Variants in ROBO2 observed in about 807,000 individuals in gnomAD.
ROBO2 encodes the protein roundabout homolog 2.
Under a neutral mutation model 160.8 loss-of-function variants are expected in ROBO2, and 53 were observed. The ratio of observed to expected loss-of-function variants is 0.33; its 90% CI spans 0.26 to 0.41. The LOEUF (loss-of-function observed/expected upper bound fraction) is 0.41. Among genes scored for constraint, ROBO2 ranks in the 10% least tolerant of loss-of-function variants. The pLI, the probability that ROBO2 is intolerant of heterozygous loss-of-function variation, is 1.00. For synonymous variants in ROBO2, 664 were observed against 611.7 expected, an observed-to-expected ratio of 1.09 and a Z score of -1.26; for missense variants, 1,577 against 1,722.4, an observed-to-expected ratio of 0.92 and a Z score of 1.49.
chr3:76,627,699 C>T (rs1639084385), intron 2 of ROBO2, among the ~76,000 whole-genome samples: 1 of 151,984 alleles, frequency 6.6e-6, no homozygotes, highest in African/African-American at 2.4e-5. Context: ...GCAATGAACA[C>T]TGAGAGGATG....
At chr3:77,458,117 A>G (rs1249705018) in intron 2 of ROBO2, among the ~76,000 whole-genome samples, 1 of 152,152 alleles carries the variant, frequency 6.6e-6, no homozygotes. Flanking sequence ...TTCACAGATG[A>G]AGAAACAAAA....
rs78613456 is a variant in ROBO2 at position 76,035,980 on chromosome 3, A to G, written c.109+98378A>G. Among the ~76,000 whole-genome samples the G allele has an allele frequency of 4.3e-3, 657 of 152,110 alleles. 18 individuals carry two copies. Among genetic ancestry groups the G allele is most frequent in the African/African-American group, 0.015 (624 of 41,360 alleles). ...CAGCTTTCGAAGAATTACTTCCTTCAAAGTTATTTTCCTCTTTTTTTTAAC... is the reference window on the plus strand; with the variant it reads ...CAGCTTTCGAAGAATTACTTCCTTCGAAGTTATTTTCCTCTTTTTTTTAAC... On this transcript the variant is annotated intron_variant, in intron 2 of 26. Transcript: ENST00000487694.
chr3:77,521,806 G>A (rs2090627536), intron 5 of ROBO2, among the ~76,000 whole-genome samples: 1 of 151,216 alleles, frequency 6.6e-6, no homozygotes, highest in African/African-American at 2.4e-5. Flanking sequence ...AGTTTTAAAT[G>A]CAAGCCTAAA....
chr3:76,110,747 TA>T (rs2070190973), intron 2 of ROBO2, among the ~76,000 whole-genome samples: 2 of 151,906 alleles, frequency 1.3e-5, no homozygotes, highest in African/African-American at 2.4e-5. Flanking sequence ...TTAAGACAAC[TA>T]AAAAAAGTAT....
At chr3:77,063,563 G>A (rs570284492) in intron 1 of ROBO2, among the ~76,000 whole-genome samples, 16 of 152,190 alleles carry the variant, frequency 1.1e-4, no homozygotes, top group African/African-American at 3.6e-4. Context: ...CCTTTCTCCT[G>A]GATTATAACT....
intron 2 of ROBO2, among the ~76,000 whole-genome samples, chr3:76,520,276 C>A (rs1317433467): frequency 6.6e-6 from 1 of 152,064 alleles, no homozygotes; most frequent in Non-Finnish European, 1.5e-5. Flanking sequence ...CATGGTGAAA[C>A]CCCGTCTCTA....
intron 2 of ROBO2, among the ~76,000 whole-genome samples, chr3:76,024,565 G>T (rs530520885): frequency 6.6e-6 from 1 of 151,240 alleles, no homozygotes; most frequent in Non-Finnish European, 1.5e-5. Context: ...TTATAACCAC[G>T]CATTTTCAAC....
chr3:76,191,724 AT>A (rs1358457334), intron 2 of ROBO2, among the ~76,000 whole-genome samples: 1 of 151,970 alleles, frequency 6.6e-6, no homozygotes, highest in African/African-American at 2.4e-5. Flanking sequence ...ATTAGAATTG[AT>A]TTTTTTTAAA....
intron 2 of ROBO2, among the ~76,000 whole-genome samples, chr3:76,112,082 C>T (rs931954413): frequency 1.3e-5 from 2 of 152,134 alleles, no homozygotes; most frequent in African/African-American, 4.8e-5. Flanking sequence ...CCCCTTCTAT[C>T]CAACCGTAAC....
At chr3:77,292,176 ACGC>A (rs2061372874) in intron 2 of ROBO2, among the ~76,000 whole-genome samples, 1 of 151,498 alleles carries the variant, frequency 6.6e-6, no homozygotes, top group Non-Finnish European at 1.5e-5. Flanking sequence ...AGGCTAGATC[ACGC>A]CAGACATAAA....
chr3:76,275,750 T>C (rs986149835), intron 2 of ROBO2, among the ~76,000 whole-genome samples: 114 of 152,280 alleles, frequency 7.5e-4, no homozygotes, highest in African/African-American at 2.7e-3. Context: ...AGAATGAAGT[T>C]TAACATTTTC....
intron 2 of ROBO2, among the ~76,000 whole-genome samples, chr3:76,120,152 C>G (rs1017440704): frequency 6.6e-6 from 1 of 151,898 alleles, no homozygotes; most frequent in Non-Finnish European, 1.5e-5. Context: ...CAGGCATGCA[C>G]CACCATGACT....
intron 2 of ROBO2, among the ~76,000 whole-genome samples, chr3:76,735,786 A>AAAAAAAAAAAAAAAAAGGGG: frequency 7.9e-6 from 1 of 126,600 alleles, no homozygotes; most frequent in Non-Finnish European, 1.6e-5. Flanking sequence ...GAAAAAAAAA[A>AAAAAAAAAAAAAAAAAGGGG]GGGGAAAGGG....
chr3:77,169,983 T>C (rs532265612), intron 2 of ROBO2, among the ~76,000 whole-genome samples: 2 of 152,234 alleles, frequency 1.3e-5, no homozygotes, highest in African/African-American at 4.8e-5. Context: ...GGTCCATAAA[T>C]AGAGCATCAC....
intron 2 of ROBO2, among the ~76,000 whole-genome samples, chr3:76,754,058 G>A (rs1373204044): frequency 2.0e-5 from 3 of 151,852 alleles, no homozygotes; most frequent in African/African-American, 4.8e-5. Flanking sequence ...ATATAATAAA[G>A]GAAAGACATT....
chr3:75,946,429 A>G (rs1948295406), intron 2 of ROBO2, among the ~76,000 whole-genome samples: 1 of 152,104 alleles, frequency 6.6e-6, no homozygotes, highest in Non-Finnish European at 1.5e-5. Flanking sequence ...TGTAGTGAGG[A>G]GGGAAAGAGG....
chr3:76,674,922 A>C (rs74844151), intron 2 of ROBO2, among the ~76,000 whole-genome samples: 1 of 63,074 alleles, frequency 1.6e-5, no homozygotes, highest in Non-Finnish European at 4.4e-5. Flanking sequence ...AAAAGCAGCA[A>C]AAAAAAACCC....
chr3:76,031,769 A>T (rs1370828650), intron 2 of ROBO2, among the ~76,000 whole-genome samples: 1 of 151,976 alleles, frequency 6.6e-6, no homozygotes, highest in African/African-American at 2.4e-5. Flanking sequence ...GTTTGCCAGT[A>T]TTTTATTGAG....
intron 2 of ROBO2, among the ~76,000 whole-genome samples, chr3:76,382,601 A>G (rs2076691397): frequency 6.6e-6 from 1 of 152,320 alleles, no homozygotes; most frequent in African/African-American, 2.4e-5. Flanking sequence ...ACAAACAAAC[A>G]AAAAGCTTCT....
Sources: gnomAD v4.1 joint callset for allele counts (sites outside exome capture counted in the v4.1 genomes callset) on GRCh38, gnomAD v4.1.1 for gene constraint, MANE v1.5 for transcripts, NCBI Gene and HGNC (gene_info 2026-07-23, HGNC 2026-07-21) for gene names.